The following AGAP1 variants were observed in gnomAD, a reference collection of about 807,000 sequenced individuals.
AGAP1 encodes arf-GAP with GTPase, ANK repeat and PH domain-containing protein 1.
AGAP1 carries 29 observed loss-of-function variants against 105.3 expected under a neutral mutation model. That is an observed-to-expected ratio of 0.28 (90% confidence interval 0.21 to 0.38). The LOEUF (loss-of-function observed/expected upper bound fraction) is 0.38, where lower values mean the gene tolerates loss of function less well. Among genes scored for constraint, AGAP1 ranks in the 10% least tolerant of loss-of-function variants. The pLI is 1.00. For missense variants in AGAP1, 998 were observed against 1,165.1 expected (o/e 0.86, Z 2.09); for synonymous variants, 509 against 485.9 (o/e 1.05, Z -0.63).
At chr2:235,653,062 G>C (rs1947648767) in intron 1 of AGAP1, among the ~76,000 whole-genome samples, 1 of 152,146 alleles carries the variant, frequency 6.6e-6, no homozygotes, top group Non-Finnish European at 1.5e-5. Context: ...AAGAGGGTAG[G>C]CTTTGCTGTC....
rs1947985024 is a variant in AGAP1 at position 235,662,329 on chromosome 2, G to A, written c.164-46850G>A. On this transcript the variant is annotated intron_variant, in intron 1 of 17. Transcript: ENST00000304032. This position sits in a 1 kb window ranked among gnomAD's most constrained non-coding sequence, Gnocchi z 4.2. ...TCTGATCCCTCAGTCAGTGTGCAGAGCTGAGCTGATGAGGAAAGTCTTGGT... is the reference window on the plus strand; with the variant it reads ...TCTGATCCCTCAGTCAGTGTGCAGAACTGAGCTGATGAGGAAAGTCTTGGT... 6.6e-6 allele frequency among the ~76,000 whole-genome samples: 1 copy of A among 152,176 alleles called. No individual in the cohort carries two copies. Among genetic ancestry groups the A allele is most frequent in the South Asian group, 2.1e-4 (1 of 4,824 alleles).
chr2:236,007,338 G>A (rs746835018), intron 13 of AGAP1, among the ~76,000 whole-genome samples: 7 of 152,192 alleles, frequency 4.6e-5, no homozygotes, highest in Non-Finnish European at 8.8e-5. Context: ...TATAAGAGGA[G>A]CATGATTGAC....
Position 235,887,157 on chromosome 2 carries a change from G to A in AGAP1, c.1155+3708G>A, listed in dbSNP as rs11688841. Among the ~76,000 whole-genome samples, 3,878 of 152,250 alleles carry A rather than the reference G, an allele frequency of 0.025. 105 individuals are homozygous for A. Among genetic ancestry groups the A allele is most frequent in the South Asian group, 0.091 (440 of 4,814 alleles). ...ATGATCTCAGTTAAACACGGACCAT[G>A]CTGTGACACCCACATCCTTGGCTAT... is the stretch of plus-strand genomic sequence containing the variant. On this transcript the variant is annotated intron_variant, in intron 10 of 17. Transcript: ENST00000304032. The surrounding 1 kb of genome is among the most constrained non-coding windows in gnomAD (Gnocchi z 4.1).
rs1026388258 is a variant in AGAP1 at position 235,714,304 on chromosome 2, C to G, written c.223-3253C>G. Among the ~76,000 whole-genome samples, 2 of 152,080 alleles carry G rather than the reference C, an allele frequency of 1.3e-5. No individual in the cohort carries two copies. The highest frequency in any genetic ancestry group is 4.8e-5 in the African/African-American group (2 of 41,410). On this transcript the variant is annotated intron_variant, in intron 2 of 17. Transcript: ENST00000304032. The surrounding 1 kb of genome is among the most constrained non-coding windows in gnomAD (Gnocchi z 4.1). ...GTGCTGGGATTACAGGCGTGAGCCACCATGCCCAGCCAGGGGTTAGGTTTC... is the reference window on the plus strand; with the variant it reads ...GTGCTGGGATTACAGGCGTGAGCCAGCATGCCCAGCCAGGGGTTAGGTTTC...
At chr2:235,629,887 A>G (rs1040176856) in intron 1 of AGAP1, among the ~76,000 whole-genome samples, 3 of 150,428 alleles carry the variant, frequency 2.0e-5, no homozygotes, top group African/African-American at 7.3e-5. Context: ...AAAAAAAGAA[A>G]GAACAGAAAT....
intron 10 of AGAP1, among the ~76,000 whole-genome samples, chr2:235,884,975 A>G (rs927764455): frequency 2.0e-5 from 3 of 152,136 alleles, no homozygotes; most frequent in Middle Eastern, 3.2e-3. Context: ...CGCCTTCCCA[A>G]TGTGCTAGGA....
intron 9 of AGAP1, among the ~76,000 whole-genome samples, chr2:235,876,657 A>C (rs191751722): frequency 5.9e-5 from 9 of 152,224 alleles, no homozygotes; most frequent in Admixed American, 3.9e-4. Context: ...GGCCACGACA[A>C]CTAAAGCCTG....
rs1011838678 is a variant in AGAP1 at position 235,608,871 on chromosome 2, T to C, written c.164-100308T>C. ...TTGTACGAAGGTTTGAGAGCTGGCATGACCCACTTTTGACCGTAAAACCTT... is the reference window on the plus strand; with the variant it reads ...TTGTACGAAGGTTTGAGAGCTGGCACGACCCACTTTTGACCGTAAAACCTT... On this transcript the variant is annotated intron_variant, in intron 1 of 17. Coordinates refer to ENST00000304032, the MANE Select transcript of AGAP1 (RefSeq NM_001037131.3). This position sits in a 1 kb window ranked among gnomAD's most constrained non-coding sequence, Gnocchi z 5.4. Among the ~76,000 whole-genome samples the C allele has an allele frequency of 3.2e-4, 49 of 152,308 alleles. No homozygotes were observed. Among genetic ancestry groups the C allele is most frequent in the Non-Finnish European group, 5.9e-5 (4 of 68,032 alleles).
At chr2:235,758,569 T>C (rs1048350017) in intron 6 of AGAP1, among the ~76,000 whole-genome samples, 3 of 152,112 alleles carry the variant, frequency 2.0e-5, no homozygotes, top group African/African-American at 7.2e-5. Context: ...CTGGGACAGA[T>C]GGGTGGTAGA....
intron 16 of AGAP1, among the ~76,000 whole-genome samples, chr2:236,112,142 G>A (rs971279484): frequency 6.6e-5 from 10 of 152,086 alleles, no homozygotes; most frequent in African/African-American, 2.2e-4. Context: ...GAGGCCAGGC[G>A]TGGTGGCTCA....
chr2:235,528,445 C>G (rs1942928849), intron 1 of AGAP1, among the ~76,000 whole-genome samples: 1 of 140,780 alleles, frequency 7.1e-6, no homozygotes, highest in African/African-American at 2.6e-5. Flanking sequence ...TGGCTGATTT[C>G]AGATCTAGAA....
chr2:235,526,775 G>A (rs557442488), intron 1 of AGAP1, among the ~76,000 whole-genome samples: 4 of 152,108 alleles, frequency 2.6e-5, no homozygotes, highest in South Asian at 2.1e-4. Flanking sequence ...TGAGGTGCTC[G>A]TTGCTACTTT....
At chr2:236,071,509 A>T (rs2058496713) in intron 16 of AGAP1, among the ~76,000 whole-genome samples, 1 of 152,136 alleles carries the variant, frequency 6.6e-6, no homozygotes, top group Non-Finnish European at 1.5e-5. Flanking sequence ...CTCTCCCAGA[A>T]CCACACTGGG....
At position 235,520,469 on chromosome 2, in the gene AGAP1, A is replaced by G. The variant is rs767387222; in HGVS notation, c.163+25620A>G. Among the ~76,000 whole-genome samples, 6 of 151,846 alleles carry G rather than the reference A, an allele frequency of 4.0e-5. 1 individual carries two copies. Among genetic ancestry groups the G allele is most frequent in the Admixed American group, 2.0e-4 (3 of 15,266 alleles). ...GCTCCTTTGTCTCCTGTATTTTCCT[A>G]TAAATTAGTGGGTGTTTGGAGGCTT... is the stretch of plus-strand genomic sequence containing the variant. On this transcript the variant is annotated intron_variant, in intron 1 of 17. Transcript: ENST00000304032.
rs533485702 is a variant in AGAP1 at position 236,105,296 on chromosome 2, G to A, written c.2115-14896G>A. Among the ~76,000 whole-genome samples, 5 of 152,228 alleles carry A rather than the reference G, an allele frequency of 3.3e-5. 1 individual carries two copies. In the South Asian group the frequency reaches 1.0e-3, roughly 32 times the overall value. ...CTTGCGTCAACTTCAGTTTTAACAC[G>A]ATAGCCAGGTAAGGGGGAAAGATGG... On this transcript the variant is annotated intron_variant, in intron 16 of 17. Transcript: ENST00000304032. The surrounding 1 kb of genome is among the most constrained non-coding windows in gnomAD (Gnocchi z 4.2).
At chr2:235,907,431 C>T (rs905976126) in intron 10 of AGAP1, among the ~76,000 whole-genome samples, 10 of 152,136 alleles carry the variant, frequency 6.6e-5, no homozygotes, top group Non-Finnish European at 1.5e-4. Context: ...CCTAGCAAGA[C>T]CTCATCTCTA....
intron 1 of AGAP1, among the ~76,000 whole-genome samples, chr2:235,538,710 G>T (rs7569111): frequency 0.77 from 116,654 of 151,832 alleles, 45,051 homozygotes; most frequent in Middle Eastern, 0.86. Flanking sequence ...TCCCATCTCC[G>T]CATCAGAGTT....
At chr2:235,772,654 G>A (rs1955549903) in intron 6 of AGAP1, among the ~76,000 whole-genome samples, 1 of 152,222 alleles carries the variant, frequency 6.6e-6, no homozygotes, top group Non-Finnish European at 1.5e-5. Flanking sequence ...TCTCATAGCT[G>A]AAATGTGTCT....
chr2:235,876,869 CAG>C lies in AGAP1; in HGVS notation c.1051-6473_1051-6472del, dbSNP rs1276059957. Among the ~76,000 whole-genome samples, 5 of 133,708 alleles carry C rather than the reference CAG, an allele frequency of 3.7e-5. No individual in the cohort carries two copies. The East Asian group carries it at 9.1e-4, about 24-fold the overall frequency. The allele number at this position is 133,708 out of a possible 152,430, so 87.7% of individuals were successfully genotyped here. ...ACCTTTTTTTTTTTTTTTTTTGAGACAGAGTTTCACTCTTGTTGCCCAGTCTG... is the reference window on the plus strand; with the variant it reads ...ACCTTTTTTTTTTTTTTTTTTGAGACAGTTTCACTCTTGTTGCCCAGTCTG... On this transcript the variant is annotated intron_variant, in intron 9 of 17. Transcript: ENST00000304032.
Sources: gnomAD v4.1 joint callset for allele counts (sites outside exome capture counted in the v4.1 genomes callset) on GRCh38, gnomAD v4.1.1 for gene constraint, Gnocchi (gnomAD v3.1) non-coding constraint, MANE v1.5 for transcripts, NCBI Gene and HGNC (gene_info 2026-07-23, HGNC 2026-07-21) for gene names.